The following DHTKD1 variants were observed in gnomAD, a reference collection of about 807,000 sequenced individuals.
The protein encoded by DHTKD1 is dehydrogenase E1 and transketolase domain containing 1.
A neutral mutation model predicts 101.8 loss-of-function variants in DHTKD1; 78 were observed. The ratio of observed to expected loss-of-function variants is 0.77; its 90% CI spans 0.64 to 0.93. DHTKD1 has a LOEUF of 0.93. Ranked by LOEUF, DHTKD1 falls within the 40% of genes least tolerant of loss-of-function variation. The pLI is 0.00. For synonymous variants in DHTKD1, 462 were observed against 450.3 expected (o/e 1.03, Z -0.33); for missense variants, 1,223 against 1,161.7 (o/e 1.05, Z -0.77).
chr10:12,106,598 C>G (rs902437321), intron 11 of DHTKD1, among the ~76,000 whole-genome samples: 7 of 152,188 alleles, frequency 4.6e-5, no homozygotes, highest in Non-Finnish European at 1.0e-4. Flanking sequence ...AACCCAAGCT[C>G]TCTCTCAGCA....
chr10:12,081,658 G>A lies in DHTKD1; in HGVS notation c.310+31G>A, dbSNP rs202067344. The A allele has an allele frequency of 2.0e-4, 315 of 1,613,078 alleles. 1 individual carries two copies. In the African/African-American group the frequency reaches 3.3e-3, roughly 17 times the overall value. ...GCTTCTGCACAGCAGGCGGGAGCTC[G>A]GAGCTGCACACCAGGCCAGGCTCCT... On this transcript the variant is annotated intron_variant, in intron 2 of 16. Transcript: ENST00000263035.
chr10:12,099,479 G>T (rs1833122730), intron 8 of DHTKD1, among the ~76,000 whole-genome samples: 1 of 152,038 alleles, frequency 6.6e-6, no homozygotes, highest in East Asian at 1.9e-4. Context: ...TTGAGTTCAG[G>T]GGTTCAAGAC....
At chr10:12,079,494 C>G (rs1832782227) in intron 1 of DHTKD1, among the ~76,000 whole-genome samples, 1 of 151,890 alleles carries the variant, frequency 6.6e-6, no homozygotes, top group African/African-American at 2.4e-5. Flanking sequence ...ATAGTGAAAC[C>G]CCATCTCTAC....
At chr10:12,109,908 G>A (rs1833302024) in intron 12 of DHTKD1, among the ~76,000 whole-genome samples, 1 of 152,130 alleles carries the variant, frequency 6.6e-6, no homozygotes, top group Non-Finnish European at 1.5e-5. Context: ...TGGAGTGGTA[G>A]GGACAAAAGT....
At chr10:12,102,255 C>A (rs561866564) in intron 10 of DHTKD1, among the ~76,000 whole-genome samples, 1 of 151,900 alleles carries the variant, frequency 6.6e-6, no homozygotes, top group Non-Finnish European at 1.5e-5. Context: ...GAAACCCCAT[C>A]TCTACTAAAA....
intron 15 of DHTKD1, among the ~76,000 whole-genome samples, chr10:12,119,493 G>A (rs1833484587): frequency 6.6e-6 from 1 of 150,930 alleles, no homozygotes; most frequent in Non-Finnish European, 1.5e-5. Context: ...GCGGGCGCCT[G>A]TAGTCCCAGC....
chr10:12,085,448 C>G (rs1035195278), intron 3 of DHTKD1, among the ~76,000 whole-genome samples: 1 of 152,300 alleles, frequency 6.6e-6, no homozygotes, highest in Admixed American at 6.5e-5. Context: ...GATCCTTGTT[C>G]TGAGCATATC....
chr10:12,110,945 C>T lies in DHTKD1; in HGVS notation c.2155-1955C>T, dbSNP rs1833320174. 6.7e-6 allele frequency among the ~76,000 whole-genome samples: 1 copy of T among 149,500 alleles called. No homozygotes were observed. Among genetic ancestry groups the T allele is most frequent in the African/African-American group, 2.5e-5 (1 of 40,640 alleles). ...CCCATAATCCTCACTACTTGGGAGG[C>T]TGAGGTGGGAGGATCACTTGAGCCT... On this transcript the variant is annotated intron_variant, in intron 12 of 16. Transcript: ENST00000263035. This position sits in a 1 kb window ranked among gnomAD's most constrained non-coding sequence, Gnocchi z 4.9.
rs1833263956 is a variant in DHTKD1 at position 12,107,232 on chromosome 10, C to A, written c.2048-677C>A. On this transcript the variant is annotated intron_variant, in intron 11 of 16. Transcript: ENST00000263035. This position sits in a 1 kb window ranked among gnomAD's most constrained non-coding sequence, Gnocchi z 4.1. ...CGTTCTCCTGACCTCATGATCCACC[C>A]ACCTCAGCCTCCCAAAGTGGTGGGA... is the stretch of plus-strand genomic sequence containing the variant. Among the ~76,000 whole-genome samples the A allele has an allele frequency of 6.6e-6, 1 of 151,964 alleles. No individual in the cohort carries two copies. Among genetic ancestry groups the A allele is most frequent in the Non-Finnish European group, 1.5e-5 (1 of 68,008 alleles).
intron 12 of DHTKD1, among the ~76,000 whole-genome samples, chr10:12,112,118 C>A (rs1320830367): frequency 6.6e-6 from 1 of 151,960 alleles, no homozygotes; most frequent in Admixed American, 6.6e-5. Context: ...AGTTTGAGAC[C>A]AGCCTGGGCA....
Position 12,100,287 on chromosome 10 carries a change from G to GTTTTTTC in DHTKD1, c.1756+31_1756+32insCTTTTTT, listed in dbSNP as rs1554793011. 4.8e-3 allele frequency: 1,305 copies of GTTTTTTC among 272,272 alleles called. 92 individuals carry two copies. The highest frequency in any genetic ancestry group is 0.021 in the African/African-American group (595 of 27,728). The allele number at this position is 272,272 out of a possible 1,614,324, so 16.9% of individuals were successfully genotyped here. On this transcript the variant is annotated intron_variant, in intron 9 of 16. Transcript: ENST00000263035. ...GGTAAGAATTTTCTTTTTTTTTTCT[G>GTTTTTTC]TTTTTTTTTTTTTTGAGTCTCACCC...
Position 12,087,481 on chromosome 10 carries a change from A to G in DHTKD1, c.523-54A>G. On this transcript the variant is annotated intron_variant, in intron 3 of 16. Transcript: ENST00000263035. The surrounding 1 kb of genome is among the most constrained non-coding windows in gnomAD (Gnocchi z 5.2). Reference sequence around the variant, plus strand: ...ACACACACAGACTTATCTGCCTTCCACTGGAGAAGCTGGCTGTCTCCTGGC... The same window carrying G: ...ACACACACAGACTTATCTGCCTTCCGCTGGAGAAGCTGGCTGTCTCCTGGC... The G allele has an allele frequency of 2.0e-6, 3 of 1,498,542 alleles. No homozygotes were observed. The highest frequency in any genetic ancestry group is 2.3e-5 in the East Asian group (1 of 43,748). 92.8% of individuals were successfully genotyped at this position (1,498,542 alleles called of 1,614,324 possible).
At chr10:12,099,199 C>A (rs896742090) in intron 8 of DHTKD1, among the ~76,000 whole-genome samples, 1 of 151,102 alleles carries the variant, frequency 6.6e-6, no homozygotes, top group African/African-American at 2.4e-5. Flanking sequence ...AAAAAAAAAA[C>A]CAACCCACTA....
At chr10:12,118,503 C>T (rs1833457052) in intron 14 of DHTKD1, among the ~76,000 whole-genome samples, 3 of 152,070 alleles carry the variant, frequency 2.0e-5, no homozygotes, top group Admixed American at 6.6e-5. Flanking sequence ...CTGCCTTAGC[C>T]TCCCGAGTAG....
rs534411061 is a variant in DHTKD1, at chr10:12,110,748, G to C, written c.2155-2152G>C. ...GTAGATCTCCAGAACTTATTCAAGG[G>C]AGGAAAGTTGGCCTAGCATGGTGGC... On this transcript the variant is annotated intron_variant, in intron 12 of 16. Transcript: ENST00000263035. The surrounding 1 kb of genome is among the most constrained non-coding windows in gnomAD (Gnocchi z 4.9). 2.0e-4 allele frequency among the ~76,000 whole-genome samples: 31 copies of C among 152,144 alleles called. No homozygotes were observed. The highest frequency in any genetic ancestry group is 6.2e-4 in the South Asian group (3 of 4,816).
chr10:12,080,400 A>C (rs1832797945), intron 1 of DHTKD1, among the ~76,000 whole-genome samples: 1 of 151,990 alleles, frequency 6.6e-6, no homozygotes, highest in Non-Finnish European at 1.5e-5. Context: ...ACTTGTTCAT[A>C]AAATGGACCT....
At chr10:12,102,437 A>AG (rs1471800216) in intron 10 of DHTKD1, among the ~76,000 whole-genome samples, 17 of 151,824 alleles carry the variant, frequency 1.1e-4, no homozygotes, top group East Asian at 1.9e-4. Flanking sequence ...AAAAAAAAAA[A>AG]AAAAGAAAAT....
chr10:12,096,674 T>C (rs1276466781), intron 7 of DHTKD1, among the ~76,000 whole-genome samples: 1 of 152,250 alleles, frequency 6.6e-6, no homozygotes, highest in Admixed American at 6.5e-5. Flanking sequence ...TTAAAATCTA[T>C]CCTGCTTTCT....
intron 5 of DHTKD1, 102 bp from the exon 6 acceptor site, chr10:12,091,411 C>CAAAAAAAAAAAAAAAAAAAAAAAAAAAAA (rs71382619): frequency 5.7e-6 from 1 of 174,910 alleles, no homozygotes; most frequent in African/African-American, 4.1e-5. Flanking sequence ...GACTCTGTCT[C>CAAAAAAAAAAAAAAAAAAAAAAAAAAAAA]AAAAAAAAAA....
Sources: allele counts gnomAD v4.1 joint callset (sites outside exome capture counted in the v4.1 genomes callset), GRCh38; gene constraint gnomAD v4.1.1; non-coding constraint Gnocchi (gnomAD v3.1); transcripts MANE v1.5; gene names NCBI Gene and HGNC (gene_info 2026-07-23, HGNC 2026-07-21).